Variants in DNAH11 observed in about 807,000 individuals in gnomAD.
The protein encoded by DNAH11 is axonemal beta dynein heavy chain 11.
A neutral mutation model predicts 526.0 loss-of-function variants in DNAH11; 442 were observed. The ratio of observed to expected loss-of-function variants is 0.84; its 90% CI spans 0.78 to 0.91. The LOEUF is 0.91. DNAH11 is among the 40% of genes least tolerant of loss of function. The pLI is 0.00. For missense variants in DNAH11, 6,989 were observed against 5,448.7 expected (o/e 1.28, Z -8.90); for synonymous variants, 2,461 against 1,935.9 (o/e 1.27, Z -7.12).
chr7:21,729,066 C>A (rs1243132986), intron 45 of DNAH11, among the ~76,000 whole-genome samples: 3 of 152,230 alleles, frequency 2.0e-5, no homozygotes, highest in African/African-American at 7.2e-5. Context: ...GAAATAGCCT[C>A]ATCTCCCTGA....
At chr7:21,784,766 T>TC (rs1200401184) in intron 58 of DNAH11, among the ~76,000 whole-genome samples, 4 of 152,192 alleles carry the variant, frequency 2.6e-5, no homozygotes, top group Non-Finnish European at 5.9e-5. Flanking sequence ...CAATAAGCAG[T>TC]CTCCTTTTGA....
At chr7:21,852,329 C>A in intron 66 of DNAH11, 138 bp from the exon 67 acceptor site, 1 of 785,504 alleles carries the variant, frequency 1.3e-6, no homozygotes, top group Non-Finnish European at 1.9e-6. Flanking sequence ...ATCGCTTTAA[C>A]CCAGGAGGCA....
chr7:21,891,612 T>C (rs1285492620), intron 76 of DNAH11, among the ~76,000 whole-genome samples: 1 of 152,210 alleles, frequency 6.6e-6, no homozygotes, highest in Non-Finnish European at 1.5e-5. Context: ...CTATTCACAT[T>C]GCCTTTGTTC....
chr7:21,826,904 T>C (rs1790324369), intron 65 of DNAH11, among the ~76,000 whole-genome samples: 5 of 152,360 alleles, frequency 3.3e-5, no homozygotes, highest in Admixed American at 2.0e-4. Flanking sequence ...TAACCAGTAT[T>C]AGTTTATTCC....
At chr7:21,698,363 G>A in intron 36 of DNAH11, 150 bp downstream of exon 36, 1 of 1,125,378 alleles carries the variant, frequency 8.9e-7, no homozygotes, top group Non-Finnish European at 1.2e-6. Context: ...GGGAACAGGT[G>A]TTTTTTGGTT....
At chr7:21,789,806 T>TTTCTTTC (rs1411401870) in intron 61 of DNAH11, among the ~76,000 whole-genome samples, 6 of 68,826 alleles carry the variant, frequency 8.7e-5, no homozygotes, top group African/African-American at 3.1e-4. Context: ...TCTTTCTTTC[T>TTTCTTTC]TTTTTCTTTC....
intron 6 of DNAH11, among the ~76,000 whole-genome samples, chr7:21,569,022 T>G (rs2128435737): frequency 6.6e-6 from 1 of 152,302 alleles, no homozygotes; most frequent in Non-Finnish European, 1.5e-5. Context: ...AATAAAAGCA[T>G]AGATTGGGAA....
At chr7:21,858,834 C>G (rs1228193068) in intron 68 of DNAH11, among the ~76,000 whole-genome samples, 1 of 152,082 alleles carries the variant, frequency 6.6e-6, no homozygotes, top group Non-Finnish European at 1.5e-5. Context: ...TGTCAAGACT[C>G]ATCAAACTGT....
At chr7:21,861,443 T>A (rs934796881) in intron 68 of DNAH11, among the ~76,000 whole-genome samples, 1 of 152,220 alleles carries the variant, frequency 6.6e-6, no homozygotes, top group Non-Finnish European at 1.5e-5. Context: ...GAGAAAAAAA[T>A]TCCACATTTC....
intron 74 of DNAH11, among the ~76,000 whole-genome samples, chr7:21,876,481 T>C (rs1423112882): frequency 6.6e-6 from 1 of 152,250 alleles, no homozygotes; most frequent in Non-Finnish European, 1.5e-5. Context: ...TATGTTCCCA[T>C]TGCCCTTTTA....
chr7:21,679,150 A>T (rs1783035700), intron 30 of DNAH11, among the ~76,000 whole-genome samples: 1 of 152,180 alleles, frequency 6.6e-6, no homozygotes, highest in Non-Finnish European at 1.5e-5. Context: ...ACAGAAAGAC[A>T]AATACTGCAT....
Position 21,900,063 on chromosome 7 carries a change from G to T in DNAH11, c.13246G>T (p.Glu4416Ter). The T allele has an allele frequency of 6.2e-7, 1 of 1,613,906 alleles. No individual in the cohort carries two copies. Among genetic ancestry groups the T allele is most frequent in the Non-Finnish European group, 8.5e-7 (1 of 1,179,848 alleles). ...LTADVTKKTK[E>*]DYGHPPREGA... Reference sequence around the variant, plus strand: ...TGCTGATGTTACCAAAAAAACAAAGGAAGATTATGGACACCCGCCAAGGGA... The same window carrying T: ...TGCTGATGTTACCAAAAAAACAAAGTAAGATTATGGACACCCGCCAAGGGA... Residue 4416 changes from glutamate to a stop codon, truncating the protein, a stop_gained, in exon 81 of 82, where the codon GAA becomes TAA. Coordinates refer to ENST00000409508, the MANE Select transcript of DNAH11 (RefSeq NM_001277115.2). LOFTEE classifies it high-confidence loss of function.
intron 57 of DNAH11, among the ~76,000 whole-genome samples, chr7:21,783,011 T>G (rs1198132715): frequency 2.5e-5 from 1 of 39,842 alleles, no homozygotes; most frequent in Non-Finnish European, 6.3e-5. Flanking sequence ...TTTAAAATGA[T>G]TTTTTTAATG....
At position 21,543,268 on chromosome 7, in the gene DNAH11, G is replaced by C; in HGVS notation, c.23G>C (p.Arg8Pro). 6.5e-7 allele frequency: 1 copy of C among 1,539,816 alleles called. No individual in the cohort carries two copies. Residue 8 changes from arginine (R) to proline (P), a missense_variant, in exon 1 of 82, where the codon CGG becomes CCG. Transcript: ENST00000409508. ...CCAATGGCAGCCCAGGTGGCAGCCC[G>C]GGAGGCGCGAGACTTCAGAGAAGCC... MAAQVAA[R>P]EARDFREAPT...
At position 21,787,574 on chromosome 7, in the gene DNAH11, A is replaced by G. The variant is rs780243314; in HGVS notation, c.9915A>G (p.Lys3305=). ...GLCAWVINII[K]FYEVYCDVEP... ...GTGCCTGGGTCATCAACATCATTAA[A>G]TTCTATGAGGTATCAATCCTAAATT... The change falls in exon 60 of 82, where the codon AAA becomes AAG. Residue 3305 remains lysine (K), a synonymous_variant. Coordinates refer to ENST00000409508, the MANE Select transcript of DNAH11 (RefSeq NM_001277115.2). 3 of 1,609,640 alleles carry G rather than the reference A, an allele frequency of 1.9e-6. No individual in the cohort carries two copies. In the African/African-American group the frequency reaches 4.0e-5, roughly 22 times the overall value.
chr7:21,606,315 C>A (rs2893044), intron 18 of DNAH11, 111 bp from the exon 19 acceptor site: 2 of 914,980 alleles, frequency 2.2e-6, no homozygotes, highest in Admixed American at 5.6e-5. Context: ...AGAGCCAGAC[C>A]TTGTCTCAAG....
intron 62 of DNAH11, among the ~76,000 whole-genome samples, chr7:21,804,043 G>A (rs948776779): frequency 2.0e-5 from 3 of 152,144 alleles, no homozygotes; most frequent in African/African-American, 4.8e-5. Flanking sequence ...TACGTGTTTC[G>A]GGATGGCTAG....
intron 1 of DNAH11, 140 bp from the exon 2 acceptor site, chr7:21,544,866 G>A: frequency 3.2e-6 from 2 of 621,748 alleles, no homozygotes; most frequent in Non-Finnish European, 2.7e-6. Flanking sequence ...GGGAAGAGCC[G>A]TAGAAGGACC....
chr7:21,812,104 A>G (rs546890245), intron 63 of DNAH11, among the ~76,000 whole-genome samples: 6 of 152,294 alleles, frequency 3.9e-5, no homozygotes, highest in South Asian at 2.1e-4. Context: ...GTGCTTTAAC[A>G]TGAAAGATGT....
Sources: gnomAD v4.1 joint callset for allele counts (sites outside exome capture counted in the v4.1 genomes callset) on GRCh38, gnomAD v4.1.1 for gene constraint, MANE v1.5 for transcripts, NCBI Gene and HGNC (gene_info 2026-07-23, HGNC 2026-07-21) for gene names.